SCML2: variants seen among roughly 807,000 people sequenced by gnomAD.
The protein encoded by SCML2 is sex comb on midleg-like protein 2.
In SCML2, 6 loss-of-function variants were observed where a neutral mutation model predicts 48.4. The ratio of observed to expected loss-of-function variants is 0.12; its 90% confidence interval spans 0.07 to 0.24. The LOEUF is 0.24. SCML2 is among the 10% of genes least tolerant of loss of function. The pLI is 1.00. For synonymous variants in SCML2, 181 were observed against 189.5 expected, an observed-to-expected ratio of 0.95 and a Z score of 0.37; for missense variants, 377 against 528.2, an observed-to-expected ratio of 0.71 and a Z score of 2.81.
At chrX:18,273,789 C>A (rs889893879) in intron 7 of SCML2, among the ~76,000 whole-genome samples, 1 of 110,685 alleles carries the variant, frequency 9.0e-6, no homozygotes, top group Admixed American at 9.6e-5. Flanking sequence ...TACCCCCCAT[C>A]CTGTGCCCAT....
chrX:18,271,109 G>A (rs762810198), intron 7 of SCML2, among the ~76,000 whole-genome samples: 1 of 111,361 alleles, frequency 9.0e-6, no homozygotes, highest in South Asian at 3.9e-4. Context: ...CAGGGGGTCT[G>A]GAAGCCTGGA....
chrX:18,324,536 C>T (rs1437532347), intron 4 of SCML2, among the ~76,000 whole-genome samples: 2 of 111,571 alleles, frequency 1.8e-5, no homozygotes, highest in East Asian at 5.6e-4. Flanking sequence ...CCCAAGCCAT[C>T]CCTTAATACT....
chrX:18,296,188 C>T (rs936571008), intron 7 of SCML2, among the ~76,000 whole-genome samples: 1 of 110,476 alleles, frequency 9.1e-6, no homozygotes, highest in African/African-American at 3.3e-5. Context: ...TACAAGAGAA[C>T]ACAGATAAAT....
chrX:18,353,398 G>A (rs952608535), intron 1 of SCML2, among the ~76,000 whole-genome samples: 1 of 111,513 alleles, frequency 9.0e-6, no homozygotes, highest in Non-Finnish European at 1.9e-5. Flanking sequence ...ATAGCTCTGG[G>A]GGCATTAAAA....
At chrX:18,325,267 G>C (rs1369074757) in intron 3 of SCML2, among the ~76,000 whole-genome samples, 1 of 111,832 alleles carries the variant, frequency 8.9e-6, no homozygotes, top group Non-Finnish European at 1.9e-5. Flanking sequence ...GTGGACGTTA[G>C]AAATAACTAA....
chrX:18,245,585 C>T (rs746942729), intron 13 of SCML2, among the ~76,000 whole-genome samples: 1 of 111,383 alleles, frequency 9.0e-6, no homozygotes, highest in Non-Finnish European at 1.9e-5. Context: ...CAAGGGTTCC[C>T]ACTTCCTTCA....
intron 7 of SCML2, among the ~76,000 whole-genome samples, chrX:18,291,820 ATAT>A (rs751058017): frequency 5.3e-4 from 59 of 112,023 alleles, no homozygotes; most frequent in Middle Eastern, 4.7e-3. Context: ...AATTAATTTA[ATAT>A]TATGTGTGCC....
rs1049312753 is a variant in SCML2, at chrX:18,270,175, G to A, written c.731-4373C>T. Among the ~76,000 whole-genome samples, 19 of 108,593 alleles carry A rather than the reference G, an allele frequency of 1.7e-4. No homozygotes were observed. In the East Asian group the frequency reaches 4.6e-3, roughly 27 times the overall value. 94.3% of individuals were successfully genotyped at this position (108,593 alleles called of 115,157 possible). A position where few individuals can be genotyped will look rare whatever the true frequency, so the allele number is the denominator to read the frequency against. ...CCCAAGTAGCTAGGACTACAGGCGC[G>A]TGCCACCATGCCTGGATAATTTTTG... On this transcript the variant is annotated intron_variant, in intron 7 of 14. Coordinates refer to ENST00000251900, the MANE Select transcript of SCML2 (RefSeq NM_006089.3).
At chrX:18,276,468 G>T (rs1425329924) in intron 7 of SCML2, among the ~76,000 whole-genome samples, 1 of 111,188 alleles carries the variant, frequency 9.0e-6, no homozygotes, top group Non-Finnish European at 1.9e-5. Flanking sequence ...GAACATGGGT[G>T]TGTATGTATG....
chrX:18,301,387 G>C (rs1190656590), intron 7 of SCML2, among the ~76,000 whole-genome samples: 1 of 108,774 alleles, frequency 9.2e-6, no homozygotes, highest in Non-Finnish European at 1.9e-5. Flanking sequence ...GACAGAGCGA[G>C]ACTCCGTCTC....
chrX:18,299,587 A>G (rs956886439), intron 7 of SCML2, among the ~76,000 whole-genome samples: 5 of 111,224 alleles, frequency 4.5e-5, no homozygotes, highest in Admixed American at 2.9e-4. Flanking sequence ...ATGGCCAACA[A>G]GTATATGAAA....
At chrX:18,309,200 CA>C (rs34188571) in intron 6 of SCML2, among the ~76,000 whole-genome samples, 14,361 of 51,330 alleles carry the variant, frequency 0.28, 854 homozygotes, top group Middle Eastern at 0.44. Context: ...GACTCTGTCT[CA>C]AAAAAAAAAA....
chrX:18,292,120 A>G (rs867746531), intron 7 of SCML2, among the ~76,000 whole-genome samples: 1 of 112,142 alleles, frequency 8.9e-6, no homozygotes, highest in South Asian at 3.6e-4. Context: ...TAGTAATCTA[A>G]GAAATGAAAT....
In SCML2 at chrX:18,242,524, GTT is replaced by G. The variant is rs780842337; in HGVS notation, c.1887_1888del (p.Thr630LeufsTer5). On this transcript the variant is annotated frameshift_variant, in exon 14 of 15. Transcript: ENST00000251900. LOFTEE classifies it high-confidence loss of function. ...CTGTATCACTTCATCCACAGACCAG[GTT>G]GAAGGGTCCTTAGAGAAGCCTTGTT... 8.3e-7 allele frequency: 1 copy of G among 1,208,818 alleles called. No homozygotes were observed. Among genetic ancestry groups the G allele is most frequent in the Non-Finnish European group, 1.1e-6 (1 of 894,229 alleles).
In SCML2 at chrX:18,322,535, C is replaced by T. The variant is rs1246254013; in HGVS notation, c.397+1324G>A. The stretch of plus-strand genomic sequence containing the variant: ...GACAAAAGACGTGAGTGAAAGAAGG[C>T]AAAAGGCAAAAAACAAACATGCCCC... On this transcript the variant is annotated intron_variant, in intron 5 of 14. Coordinates refer to ENST00000251900, the MANE Select transcript of SCML2 (RefSeq NM_006089.3). 3.6e-5 allele frequency among the ~76,000 whole-genome samples: 4 copies of T among 111,894 alleles called. No individual in the cohort carries two copies. The Admixed American group carries it at 3.8e-4, about 11-fold the overall frequency.
intron 9 of SCML2, 140 bp downstream of exon 9, chrX:18,260,031 A>G: frequency 4.8e-6 from 2 of 414,609 alleles, no homozygotes; most frequent in Non-Finnish European, 7.6e-6. Context: ...AAAATACTTT[A>G]ATATGAAAAA....
chrX:18,343,923 TAAAAAAAAAA>T (rs1203495780), intron 1 of SCML2, among the ~76,000 whole-genome samples: 5 of 53,351 alleles, frequency 9.4e-5, no homozygotes, highest in Non-Finnish European at 1.7e-4. Flanking sequence ...TGCCTCTATT[TAAAAAAAAAA>T]AAAAAAAAAG....
chrX:18,327,307 T>A (rs948089724), intron 3 of SCML2, among the ~76,000 whole-genome samples: 1 of 110,817 alleles, frequency 9.0e-6, no homozygotes, highest in Non-Finnish European at 1.9e-5. Flanking sequence ...GAGGCGAAGG[T>A]TGCAGTGAGC....
In SCML2 at chrX:18,334,101, A is replaced by C. The variant is rs765689273; in HGVS notation, c.-24-6T>G. 47 of 1,169,765 alleles carry C rather than the reference A, an allele frequency of 4.0e-5. 1 individual carries two copies. The South Asian group carries it at 9.2e-4, about 23-fold the overall frequency. ...TCCCTATTTGGTGTTGTTTCCTACAAGGAGAAAAACCAATTAATGCCTCCT... is the reference window on the plus strand; with the variant it reads ...TCCCTATTTGGTGTTGTTTCCTACACGGAGAAAAACCAATTAATGCCTCCT... On this transcript the variant is annotated splice_region_variant and splice_polypyrimidine_tract_variant and intron_variant, in intron 1 of 14. Coordinates refer to ENST00000251900, the MANE Select transcript of SCML2 (RefSeq NM_006089.3).
Sources: allele counts gnomAD v4.1 joint callset (sites outside exome capture counted in the v4.1 genomes callset), GRCh38; gene constraint gnomAD v4.1.1; transcripts MANE v1.5; gene names NCBI Gene and HGNC (gene_info 2026-07-23, HGNC 2026-07-21).